The following NPAS3 variants were observed in gnomAD, a reference collection of about 807,000 sequenced individuals.
The protein encoded by NPAS3 is neuronal PAS domain protein 3.
NPAS3 carries 14 observed loss-of-function variants against 73.1 expected under a neutral mutation model. That is an observed-to-expected ratio of 0.19 (90% confidence interval 0.13 to 0.30). NPAS3 has a LOEUF of 0.30. NPAS3 is among the 10% of genes least tolerant of loss of function. The probability of loss-of-function intolerance (pLI) is 1.00; values close to 1 mark genes in which losing one functional copy is unlikely to be tolerated. For synonymous variants in NPAS3, 620 were observed against 541.5 expected (o/e 1.14, Z -2.01); for missense variants, 1,096 against 1,250.0 (o/e 0.88, Z 1.86).
upstream of NPAS3, among the ~76,000 whole-genome samples, chr14:32,939,077 C>A (rs2035838899): frequency 6.9e-6 from 1 of 144,790 alleles, no homozygotes; most frequent in African/African-American, 2.5e-5. Context: ...GGCTCCGGCC[C>A]CACTACTTTT....
intron 1 of NPAS3, among the ~76,000 whole-genome samples, chr14:32,975,555 A>T (rs2037630206): frequency 6.6e-6 from 1 of 152,150 alleles, no homozygotes; most frequent in African/African-American, 2.4e-5. Context: ...ACCTTTGTTG[A>T]TGTTGCCAAC....
At chr14:33,047,470 A>G (rs113009466) in intron 1 of NPAS3, among the ~76,000 whole-genome samples, 73 of 152,248 alleles carry the variant, frequency 4.8e-4, no homozygotes, top group African/African-American at 1.1e-3. Flanking sequence ...AACTTATGCA[A>G]TTGGACCTGT....
chr14:32,984,999 A>G (rs1188132236), intron 1 of NPAS3, among the ~76,000 whole-genome samples: 1 of 152,176 alleles, frequency 6.6e-6, no homozygotes, highest in East Asian at 1.9e-4. Flanking sequence ...AGTCCTGGGT[A>G]TAATGTGCAT....
At position 33,123,971 on chromosome 14, in the gene NPAS3, G is replaced by A. The variant is rs149875077; in HGVS notation, c.140+67977G>A. On this transcript the variant is annotated intron_variant, in intron 2 of 11. Transcript: ENST00000356141. ...CCACTTCTGGGCTCAGGTTGTTCTC[G>A]TGCCTCAGCCTCCTGAGTAGCTGGG... is the stretch of plus-strand genomic sequence containing the variant. Among the ~76,000 whole-genome samples, 91 of 149,102 alleles carry A rather than the reference G, an allele frequency of 6.1e-4. 1 individual carries two copies. The highest frequency in any genetic ancestry group is 3.5e-3 in the Middle Eastern group (1 of 284).
chr14:33,283,343 C>T (rs577195580), intron 3 of NPAS3, among the ~76,000 whole-genome samples: 1 of 152,242 alleles, frequency 6.6e-6, no homozygotes, highest in South Asian at 2.1e-4. Context: ...TCTGTGGATC[C>T]ATAAATAAAG....
intron 2 of NPAS3, among the ~76,000 whole-genome samples, chr14:33,188,888 T>C (rs536604773): frequency 6.6e-6 from 1 of 152,300 alleles, no homozygotes; most frequent in East Asian, 1.9e-4. Flanking sequence ...TCTTTTCCTT[T>C]CTGGTTTAAT....
intron 7 of NPAS3, among the ~76,000 whole-genome samples, chr14:33,761,018 G>A (rs1249131915): frequency 6.6e-6 from 1 of 152,156 alleles, no homozygotes; most frequent in Non-Finnish European, 1.5e-5. Flanking sequence ...TGGCTGTGTG[G>A]AGAATCACCT....
At chr14:32,988,589 A>G (rs891454460) in intron 1 of NPAS3, among the ~76,000 whole-genome samples, 3 of 152,220 alleles carry the variant, frequency 2.0e-5, no homozygotes, top group African/African-American at 7.2e-5. Context: ...TTTATACAAT[A>G]CCTTTTTTTA....
intron 5 of NPAS3, among the ~76,000 whole-genome samples, chr14:33,572,679 TTAAGAG>T (rs1329576780): frequency 6.6e-6 from 1 of 152,170 alleles, no homozygotes; most frequent in African/African-American, 2.4e-5. Flanking sequence ...GTTTTATGTG[TTAAGAG>T]AAACTGAGAC....
intron 4 of NPAS3, among the ~76,000 whole-genome samples, chr14:33,459,640 G>T (rs2050169142): frequency 6.6e-6 from 1 of 152,186 alleles, no homozygotes; most frequent in East Asian, 1.9e-4. Flanking sequence ...AAGATCAAAG[G>T]AGTGTTGGTA....
chr14:33,578,189 C>G (rs1167273939), intron 5 of NPAS3: 2 of 455,746 alleles, frequency 4.4e-6, no homozygotes, highest in South Asian at 3.1e-5. Context: ...CTACCAACAC[C>G]TTTGTTTTTT....
intron 2 of NPAS3, among the ~76,000 whole-genome samples, chr14:33,061,822 G>C (rs983751683): frequency 6.6e-6 from 1 of 152,134 alleles, no homozygotes; most frequent in African/African-American, 2.4e-5. Flanking sequence ...ATTCTGCCTG[G>C]AGCGGTGCCT....
At chr14:33,775,323 T>A (rs12431626) in intron 8 of NPAS3, among the ~76,000 whole-genome samples, 54,985 of 151,942 alleles carry the variant, frequency 0.36, 10,051 homozygotes, top group Admixed American at 0.41. Flanking sequence ...GGCGATACTA[T>A]CCTTCCCCGG....
chr14:32,972,337 T>G (rs1387682379), intron 1 of NPAS3, among the ~76,000 whole-genome samples: 2 of 152,210 alleles, frequency 1.3e-5, no homozygotes, highest in Non-Finnish European at 2.9e-5. Flanking sequence ...TTAGTGACCC[T>G]GTTAAGCCTT....
At chr14:33,417,503 C>T (rs879375023) in intron 4 of NPAS3, among the ~76,000 whole-genome samples, 20 of 151,992 alleles carry the variant, frequency 1.3e-4, no homozygotes, top group Non-Finnish European at 2.1e-4. Flanking sequence ...AAATGACTAG[C>T]AGGCCCAAAA....
intron 4 of NPAS3, among the ~76,000 whole-genome samples, chr14:33,530,581 C>T (rs2053995806): frequency 6.6e-6 from 1 of 152,070 alleles, no homozygotes; most frequent in African/African-American, 2.4e-5. Context: ...GATGTGAAAG[C>T]ATCTCATAGA....
At chr14:33,769,274 G>A (rs768542568) in intron 7 of NPAS3, among the ~76,000 whole-genome samples, 21 of 152,170 alleles carry the variant, frequency 1.4e-4, no homozygotes, top group Non-Finnish European at 2.4e-4. Flanking sequence ...TCACTTAAGT[G>A]CCTAACTCTT....
intron 5 of NPAS3, among the ~76,000 whole-genome samples, chr14:33,564,974 A>T (rs1047440972): frequency 1.3e-5 from 2 of 152,134 alleles, no homozygotes; most frequent in African/African-American, 4.8e-5. Flanking sequence ...GCACATAATG[A>T]GTCACTTCCC....
In NPAS3 at chr14:33,518,257, C is replaced by T. The variant is rs556997151; in HGVS notation, c.469-41864C>T. ...TTGCTCATAAATTGATGCAGAGGCC[C>T]TGGAGGTAAACAGCTAGAGGAGAGG... is the stretch of plus-strand genomic sequence containing the variant. On this transcript the variant is annotated intron_variant, in intron 4 of 11. Coordinates refer to ENST00000356141, the Ensembl canonical transcript of NPAS3. 1.8e-3 allele frequency among the ~76,000 whole-genome samples: 272 copies of T among 151,506 alleles called. 1 individual carries two copies. The highest frequency in any genetic ancestry group is 6.3e-3 in the African/African-American group (259 of 41,252).
Sources: allele counts gnomAD v4.1 joint callset (sites outside exome capture counted in the v4.1 genomes callset), GRCh38; gene constraint gnomAD v4.1.1; transcripts MANE v1.5; gene names NCBI Gene and HGNC (gene_info 2026-07-23, HGNC 2026-07-21).